The following ZNF497 variants were observed in gnomAD, a reference collection of about 807,000 sequenced individuals.
ZNF497 encodes the protein zinc finger protein 497.
For synonymous variants in ZNF497, 422 were observed against 313.7 expected (o/e 1.35, Z -3.65); for missense variants, 930 against 714.0 (o/e 1.30, Z -3.45).
Position 58,357,538 on chromosome 19 carries a change from G to A in ZNF497, c.98C>T (p.Ala33Val). ...KTATRGLSEG[A>V]VSGGWGAWEN... Reference sequence around the variant, plus strand: ...CCAGGCCCCCCAGCCTCCAGACACAGCCCCCTCAGAGAGGCCCCTCGTGGC... The same window carrying A: ...CCAGGCCCCCCAGCCTCCAGACACAACCCCCTCAGAGAGGCCCCTCGTGGC... Residue 33 changes from alanine to valine, a missense_variant, in exon 3 of 3, where the codon GCT becomes GTT. Transcript: ENST00000311044. 6.2e-7 allele frequency: 1 copy of A among 1,606,654 alleles called. No individual in the cohort carries two copies. The highest frequency in any genetic ancestry group is 1.7e-5 in the Admixed American group (1 of 58,944).
chr19:58,355,492 CAG>C lies in ZNF497; in HGVS notation c.*645_*646del, dbSNP rs1350766767. 2.6e-5 allele frequency: 4 copies of C among 152,400 alleles called. No homozygotes were observed. The highest frequency in any genetic ancestry group is 2.0e-4 in the Admixed American group (3 of 15,276). The allele number at this position is 152,400 out of a possible 1,614,324, so 9.4% of individuals were successfully genotyped here. ...CACCACTGCACTCCAGCCTGGGTGACAGAGTGAAACCCTGCCCCCTCCCCCAA... is the reference window on the plus strand; with the variant it reads ...CACCACTGCACTCCAGCCTGGGTGACAGTGAAACCCTGCCCCCTCCCCCAA... On this transcript the variant is annotated 3_prime_UTR_variant, in exon 3 of 3. Transcript: ENST00000311044.
chr19:58,354,568 C>G lies in ZNF497; in HGVS notation c.*1571G>C, dbSNP rs2051997623. 6.6e-6 allele frequency: 1 copy of G among 152,344 alleles called. No homozygotes were observed. The highest frequency in any genetic ancestry group is 2.4e-5 in the African/African-American group (1 of 41,458). The allele number at this position is 152,344 out of a possible 1,614,324, so 9.4% of individuals were successfully genotyped here. ...AGACGTGATGAAGACCAGCTGGGCACTGCAGCGGCTCTGGCTTCTGCTGTG... is the reference window on the plus strand; with the variant it reads ...AGACGTGATGAAGACCAGCTGGGCAGTGCAGCGGCTCTGGCTTCTGCTGTG... On this transcript the variant is annotated 3_prime_UTR_variant, in exon 3 of 3. Transcript: ENST00000311044.
chr19:58,357,714 G>C (rs912623107), intron 2 of ZNF497, 65 bp from the exon 3 acceptor site: 5 of 1,430,932 alleles, frequency 3.5e-6, no homozygotes, highest in African/African-American at 1.4e-5. Context: ...GAGGGCCTGA[G>C]GGGGACACGA....
At chr19:58,359,326 G>A (rs1293380364) in intron 1 of ZNF497, 1 of 1,214,052 alleles carries the variant, frequency 8.2e-7, no homozygotes, top group Admixed American at 2.3e-5. Flanking sequence ...CTCTGCAGCT[G>A]GAAACACAAA....
Position 58,356,660 on chromosome 19 carries a change from C to T in ZNF497, c.976G>A (p.Gly326Ser), listed in dbSNP as rs1296835206. The T allele has an allele frequency of 3.2e-6, 5 of 1,549,998 alleles. No individual in the cohort carries two copies. The highest frequency in any genetic ancestry group is 2.4e-5 in the East Asian group (1 of 41,618). ...TCGGCGCACTCGAAGGGCCGCTCAC[C>T]AGTGTGCGTGCGCTGGTGCTGCAGG... ...QLLQHQRTHT[G>S]ERPFECAECG... The change falls in exon 3 of 3, where the codon GGT (glycine) becomes AGT (serine). Residue 326 changes from glycine (G) to serine (S), a missense_variant. Transcript: ENST00000311044.
rs576785247 is a variant in ZNF497 at position 58,356,378 on chromosome 19, C to T, written c.1258G>A (p.Gly420Ser). 2 of 1,565,916 alleles carry T rather than the reference C, an allele frequency of 1.3e-6. No individual in the cohort carries two copies. Among genetic ancestry groups the T allele is most frequent in the East Asian group, 2.3e-5 (1 of 42,686 alleles). Residue 420 changes from glycine to serine, a missense_variant, in exon 3 of 3, where the codon GGC (glycine) becomes AGC (serine). Coordinates refer to ENST00000311044, the MANE Select transcript of ZNF497 (RefSeq NM_198458.3). ...TCGGAGCTGCCGCGGAAGGCCTTGC[C>T]GCATTCTGCGCAGGCGAAGGGTCGC... Reference protein sequence around the residue: ...GERPFACAECGKAFRGSSELR... With the variant: ...GERPFACAECSKAFRGSSELR...
chr19:58,355,591 G>A lies in ZNF497; in HGVS notation c.*548C>T, dbSNP rs1215492831. ...ATTGATCTGGTTCTGACCTCGGTCA[G>A]GAATGCAGTGCTGAGCTTCTTGCCA... is the stretch of plus-strand genomic sequence containing the variant. On this transcript the variant is annotated 3_prime_UTR_variant, in exon 3 of 3. Transcript: ENST00000311044. 2 of 152,610 alleles carry A rather than the reference G, an allele frequency of 1.3e-5. No homozygotes were observed. The highest frequency in any genetic ancestry group is 6.5e-5 in the Admixed American group (1 of 15,300). 9.5% of individuals were successfully genotyped at this position (152,610 alleles called of 1,614,324 possible).
intron 1 of ZNF497, chr19:58,359,155 C>T (rs1463154162): frequency 1.6e-6 from 2 of 1,286,440 alleles, no homozygotes; most frequent in East Asian, 1.1e-4. Flanking sequence ...AGCAGAACCC[C>T]CAGAAGCACT....
Position 58,356,973 on chromosome 19 carries a change from C to T in ZNF497, c.663G>A (p.Pro221=), listed in dbSNP as rs751350479. Residue 221 remains proline (P), a synonymous_variant, in exon 3 of 3, where the codon CCG becomes CCA. Transcript: ENST00000311044. ...THTGEKPYEC[P]ECGKAFSWNS... is the part of the protein sequence containing the mutation. ...TCCAGCTGAAGGCCTTGCCGCACTC[C>T]GGGCACTCGTAGGGCTTCTCGCCCG... is the stretch of plus-strand genomic sequence containing the variant. The T allele has an allele frequency of 3.8e-6, 6 of 1,594,646 alleles. No individual in the cohort carries two copies. The African/African-American group carries it at 4.2e-5, about 11-fold the overall frequency.
At chr19:58,358,711 C>A in intron 1 of ZNF497, 126 bp from the exon 2 acceptor site, 1 of 454,010 alleles carries the variant, frequency 2.2e-6, no homozygotes, top group Non-Finnish European at 4.2e-6. Flanking sequence ...CAATGCGGAG[C>A]ACACAGGTGT....
chr19:58,358,080 A>G (rs1343627134), intron 2 of ZNF497: 1 of 1,228,494 alleles, frequency 8.1e-7, no homozygotes, highest in East Asian at 5.7e-5. Flanking sequence ...TGAAGGCTGG[A>G]GGACACCGCC....
rs2052038603 is a variant in ZNF497 at position 58,357,311 on chromosome 19, C to T, written c.325G>A (p.Gly109Arg). 2.5e-6 allele frequency: 4 copies of T among 1,607,728 alleles called. No homozygotes were observed. Among genetic ancestry groups the T allele is most frequent in the African/African-American group, 1.3e-5 (1 of 74,786 alleles). Residue 109 changes from glycine (G) to arginine (R), a missense_variant, in exon 3 of 3, where the codon GGG becomes AGG. Physicochemically the swap from Gly to Arg is moderately radical, Grantham distance 125. Coordinates refer to ENST00000311044, the MANE Select transcript of ZNF497 (RefSeq NM_198458.3). The stretch of plus-strand genomic sequence containing the variant: ...TGGCTGAACGCCTTGCCGCACTCCC[C>T]GCACCGGCAGCCCGGCTCCTCTGGG... ...PLPEEPGCRC[G>R]ECGKAFSQGS...
In ZNF497 at chr19:58,358,543, C is replaced by G; in HGVS notation, c.-69G>C. On this transcript the variant is annotated 5_prime_UTR_variant, in exon 2 of 3. Coordinates refer to ENST00000311044, the MANE Select transcript of ZNF497 (RefSeq NM_198458.3). Reference sequence around the variant, plus strand: ...GGAGCCTCTTGCTCCTCTCCCTCCTCTGTCCTGGGGACCAGCTCCTCTTGG... The same window carrying G: ...GGAGCCTCTTGCTCCTCTCCCTCCTGTGTCCTGGGGACCAGCTCCTCTTGG... The G allele has an allele frequency of 8.4e-7, 1 of 1,186,582 alleles. No individual in the cohort carries two copies. The highest frequency in any genetic ancestry group is 1.1e-6 in the Non-Finnish European group (1 of 939,976). 73.5% of individuals were successfully genotyped at this position (1,186,582 alleles called of 1,614,324 possible). A position where few individuals can be genotyped will look rare whatever the true frequency, so the allele number is the denominator to read the frequency against.
At chr19:58,360,356 ATTTC>A (rs1230836059) in intron 1 of ZNF497, among the ~76,000 whole-genome samples, 1 of 151,522 alleles carries the variant, frequency 6.6e-6, no homozygotes, top group Non-Finnish European at 1.5e-5. Flanking sequence ...GTATGACTCC[ATTTC>A]TTTTTCTTTT....
rs921803243 is a variant in ZNF497 at position 58,356,911 on chromosome 19, C to G, written c.725G>C (p.Gly242Ala). The change falls in exon 3 of 3, where the codon GGC (glycine) becomes GCC (alanine). Residue 242 changes from glycine to alanine, a missense_variant. Coordinates refer to ENST00000311044, the MANE Select transcript of ZNF497 (RefSeq NM_198458.3). ...GTCCCGGCAGGCGTGCGGCCGCGCG[C>G]CCGTGTGCACGCGCCGGTGCTCCAG... The part of the protein sequence containing the change: ...NFLEHRRVHT[G>A]ARPHACRDCG... 6.3e-7 allele frequency: 1 copy of G among 1,593,300 alleles called. No homozygotes were observed. Among genetic ancestry groups the G allele is most frequent in the South Asian group, 1.1e-5 (1 of 89,886 alleles).
Position 58,357,645 on chromosome 19 carries a change from G to A in ZNF497, c.-10C>T, listed in dbSNP as rs760515670. On this transcript the variant is annotated 5_prime_UTR_variant, in exon 3 of 3. Transcript: ENST00000311044. The stretch of plus-strand genomic sequence containing the variant: ...CTCTTGGGGACTCCATCTCGCGCCT[G>A]TGACCTAAAACAGGAGAGAAAAGGC... 7.9e-6 allele frequency: 12 copies of A among 1,517,360 alleles called. No homozygotes were observed. Among genetic ancestry groups the A allele is most frequent in the South Asian group, 1.3e-5 (1 of 75,566 alleles). The allele number at this position is 1,517,360 out of a possible 1,614,324, so 94.0% of individuals were successfully genotyped here. A position where few individuals can be genotyped will look rare whatever the true frequency, so the allele number is the denominator to read the frequency against.
At position 58,362,651 on chromosome 19, in the gene ZNF497, C is replaced by G. The variant is rs1320333088; in HGVS notation, c.-112+26G>C. The G allele has an allele frequency of 4.6e-5, 7 of 152,096 alleles. 2 individuals are homozygous for G. Among genetic ancestry groups the G allele is most frequent in the Admixed American group, 2.6e-4 (4 of 15,278 alleles). The allele number at this position is 152,096 out of a possible 1,614,324, so 9.4% of individuals were successfully genotyped here. On this transcript the variant is annotated intron_variant, in intron 1 of 2. Transcript: ENST00000311044. Reference sequence around the variant, plus strand: ...GCCGGAGGGCGGATCTGTGCCTGGCCGAGGGTGTCCGTCGGCGTCACTCAC... The same window carrying G: ...GCCGGAGGGCGGATCTGTGCCTGGCGGAGGGTGTCCGTCGGCGTCACTCAC...
rs932617973 is a variant in ZNF497, at chr19:58,357,659, G to A, written c.-14-10C>T. Reference sequence around the variant, plus strand: ...ATCTCGCGCCTGTGACCTAAAACAGGAGAGAAAAGGCAAGTACCTTAGAGA... The same window carrying A: ...ATCTCGCGCCTGTGACCTAAAACAGAAGAGAAAAGGCAAGTACCTTAGAGA... On this transcript the variant is annotated splice_polypyrimidine_tract_variant and intron_variant, in intron 2 of 2. Transcript: ENST00000311044. 6 of 1,513,268 alleles carry A rather than the reference G, an allele frequency of 4.0e-6. No individual in the cohort carries two copies. In the South Asian group the frequency reaches 4.0e-5, roughly 10 times the overall value. The allele number at this position is 1,513,268 out of a possible 1,614,324, so 93.7% of individuals were successfully genotyped here.
intron 1 of ZNF497, chr19:58,358,825 C>G (rs989959473): frequency 6.6e-6 from 3 of 457,408 alleles, no homozygotes; most frequent in Middle Eastern, 3.3e-4. Flanking sequence ...CACCAACCCA[C>G]GACTGGCCCC....
Sources: allele counts gnomAD v4.1 joint callset (sites outside exome capture counted in the v4.1 genomes callset), GRCh38; gene constraint gnomAD v4.1.1; transcripts MANE v1.5; gene names NCBI Gene and HGNC (gene_info 2026-07-23, HGNC 2026-07-21).